Variants in ELOVL7 observed in about 807,000 individuals in gnomAD.
ELOVL7 encodes very long chain fatty acid elongase 7.
ELOVL7 carries 27 observed loss-of-function variants against 35.7 expected under a neutral mutation model. The ratio of observed to expected loss-of-function variants is 0.76; its 90% CI spans 0.56 to 1.04. ELOVL7 has a LOEUF of 1.04. Ranked by LOEUF, ELOVL7 falls within the 50% of genes least tolerant of loss-of-function variation. The probability of loss-of-function intolerance (pLI) is 0.00; values close to 1 mark genes in which losing one functional copy is unlikely to be tolerated. For missense variants in ELOVL7, 327 were observed against 340.8 expected, an observed-to-expected ratio of 0.96 and a Z score of 0.32; for synonymous variants, 113 against 114.6, an observed-to-expected ratio of 0.99 and a Z score of 0.09.
chr5:60,773,441 C>T (rs1742719768), intron 3 of ELOVL7, among the ~76,000 whole-genome samples: 1 of 152,146 alleles, frequency 6.6e-6, no homozygotes, highest in African/African-American at 2.4e-5. Context: ...TGACTGATAA[C>T]TCACTTGGCC....
intron 1 of ELOVL7, among the ~76,000 whole-genome samples, chr5:60,812,037 G>A (rs1561460892): frequency 6.6e-6 from 1 of 152,082 alleles, no homozygotes; most frequent in African/African-American, 2.4e-5. Context: ...ACAACACAGG[G>A]AGACCTCATC....
intron 1 of ELOVL7, among the ~76,000 whole-genome samples, chr5:60,840,736 T>C (rs1025629773): frequency 9.2e-5 from 14 of 152,306 alleles, no homozygotes; most frequent in African/African-American, 3.4e-4. Flanking sequence ...TTGAGAACCA[T>C]AAAAATGACC....
rs1741382157 is a variant in ELOVL7 at position 60,753,880 on chromosome 5, C to T, written c.*744G>A. On this transcript the variant is annotated 3_prime_UTR_variant, in exon 9 of 9. Transcript: ENST00000508821. ...TGTAAAACAGTAATAGCAAAGTATT[C>T]ATTAACCCATTAAAACAAATCACCT... The T allele has an allele frequency of 6.6e-6, 1 of 152,150 alleles. No individual in the cohort carries two copies. The highest frequency in any genetic ancestry group is 1.5e-5 in the Non-Finnish European group (1 of 68,032). The allele number at this position is 152,150 out of a possible 1,614,324, so 9.4% of individuals were successfully genotyped here. A position where few individuals can be genotyped will look rare whatever the true frequency, so the allele number is the denominator to read the frequency against.
chr5:60,768,474 G>T (rs974090817), intron 4 of ELOVL7, among the ~76,000 whole-genome samples: 7 of 152,192 alleles, frequency 4.6e-5, no homozygotes, highest in African/African-American at 7.2e-5. Flanking sequence ...TAGTTTTACT[G>T]TGGATTCACA....
chr5:60,827,105 G>A (rs1240312855), intron 1 of ELOVL7, among the ~76,000 whole-genome samples: 1 of 152,114 alleles, frequency 6.6e-6, no homozygotes, highest in African/African-American at 2.4e-5. Context: ...TATTTTAACT[G>A]AAGAAAACAT....
chr5:60,766,583 T>A lies in ELOVL7; in HGVS notation c.384A>T (p.Leu128=). The change falls in exon 6 of 9, where the codon CTA becomes CTT. Residue 128 remains leucine, a synonymous_variant. Transcript: ENST00000508821. ...WLYYFSKFIE[L]LDTIFFVLRK... is the part of the protein sequence containing the mutation. The stretch of plus-strand genomic sequence containing the variant: ...GTGGCCATATACTCACCGTATCTAA[T>A]AGCTCAATAAATTTGGAGAAGTAAT... 1 of 1,612,590 alleles carries A rather than the reference T, an allele frequency of 6.2e-7. No individual in the cohort carries two copies. The highest frequency in any genetic ancestry group is 8.5e-7 in the Non-Finnish European group (1 of 1,179,220).
At position 60,767,913 on chromosome 5, in the gene ELOVL7, A is replaced by G. The variant is rs112505252; in HGVS notation, c.256-10T>C. 3 of 1,608,856 alleles carry G rather than the reference A, an allele frequency of 1.9e-6. No individual in the cohort carries two copies. Among genetic ancestry groups the G allele is most frequent in the Non-Finnish European group, 2.6e-6 (3 of 1,175,490 alleles). On this transcript the variant is annotated splice_polypyrimidine_tract_variant and intron_variant, in intron 4 of 8. Coordinates refer to ENST00000508821, the MANE Select transcript of ELOVL7 (RefSeq NM_024930.3). ...AGCCAGACATCACAAACTGCAAGAG[A>G]GCACATGCATATTAAGAAAGGAAAG...
intron 1 of ELOVL7, among the ~76,000 whole-genome samples, chr5:60,824,960 C>CTT (rs879496279): frequency 7.2e-6 from 1 of 137,938 alleles, no homozygotes; most frequent in Non-Finnish European, 1.6e-5. Flanking sequence ...CTTCTCACTT[C>CTT]TTTTTTTTTT....
chr5:60,833,422 T>C (rs1746602699), intron 1 of ELOVL7, among the ~76,000 whole-genome samples: 1 of 152,190 alleles, frequency 6.6e-6, no homozygotes, highest in Non-Finnish European at 1.5e-5. Context: ...AGAGATGTCC[T>C]GTGGGACTGA....
rs188278706 is a variant in ELOVL7 at position 60,823,582 on chromosome 5, C to A, written c.-86+20578G>T. ...TTCACCAATAGATGCTTCAATTTTT[C>A]TAGCAAGTAGGAAGTGGGATCAATT... On this transcript the variant is annotated intron_variant, in intron 1 of 8. Transcript: ENST00000508821. Among the ~76,000 whole-genome samples, 95 of 152,246 alleles carry A rather than the reference C, an allele frequency of 6.2e-4. 2 individuals carry two copies. Among genetic ancestry groups the A allele is most frequent in the African/African-American group, 2.2e-3 (91 of 41,538 alleles).
intron 2 of ELOVL7, among the ~76,000 whole-genome samples, chr5:60,792,270 T>C (rs1395627938): frequency 1.3e-5 from 2 of 152,090 alleles, no homozygotes; most frequent in African/African-American, 4.8e-5. Flanking sequence ...GTCTTTACTA[T>C]TTGTGGGCCC....
chr5:60,765,268 G>A (rs1035729177), intron 6 of ELOVL7, among the ~76,000 whole-genome samples: 2 of 152,220 alleles, frequency 1.3e-5, no homozygotes, highest in African/African-American at 4.8e-5. Flanking sequence ...TAACACTCTG[G>A]GTCCTAGTCC....
At chr5:60,832,186 T>A (rs1191365815) in intron 1 of ELOVL7, among the ~76,000 whole-genome samples, 1 of 152,168 alleles carries the variant, frequency 6.6e-6, no homozygotes, top group African/African-American at 2.4e-5. Context: ...TCACTTAAAT[T>A]TCTTGGAGCC....
intron 1 of ELOVL7, among the ~76,000 whole-genome samples, chr5:60,821,951 A>G (rs1298758824): frequency 6.6e-6 from 1 of 152,246 alleles, no homozygotes; most frequent in Non-Finnish European, 1.5e-5. Context: ...AAAAAAACAA[A>G]TTAAAAACCC....
intron 7 of ELOVL7, among the ~76,000 whole-genome samples, chr5:60,761,096 T>C (rs559318916): frequency 3.3e-5 from 5 of 152,344 alleles, no homozygotes; most frequent in Admixed American, 3.3e-4. Context: ...TTTGGAAGGC[T>C]TTCCTAACAA....
intron 3 of ELOVL7, chr5:60,784,101 A>G (rs1561439601): frequency 6.9e-7 from 1 of 1,443,842 alleles, no homozygotes; most frequent in Non-Finnish European, 9.4e-7. Flanking sequence ...TACATAGAAT[A>G]TTAATGGGCT....
chr5:60,802,918 T>C (rs745439782), intron 1 of ELOVL7, among the ~76,000 whole-genome samples: 10 of 152,196 alleles, frequency 6.6e-5, no homozygotes, highest in Non-Finnish European at 1.3e-4. Context: ...TCCAAAGATA[T>C]GGCAGTTCTC....
chr5:60,778,567 T>C (rs1743049596), intron 3 of ELOVL7, among the ~76,000 whole-genome samples: 1 of 152,170 alleles, frequency 6.6e-6, no homozygotes, highest in Admixed American at 6.5e-5. Flanking sequence ...TCAGCTCTTG[T>C]GAGAAACAAT....
At chr5:60,821,576 C>T (rs1050035120) in intron 1 of ELOVL7, among the ~76,000 whole-genome samples, 1 of 152,198 alleles carries the variant, frequency 6.6e-6, no homozygotes, top group African/African-American at 2.4e-5. Context: ...GCTTTCTGTT[C>T]CCCTTACAGC....
Sources: allele counts gnomAD v4.1 joint callset (sites outside exome capture counted in the v4.1 genomes callset), GRCh38; gene constraint gnomAD v4.1.1; transcripts MANE v1.5; gene names NCBI Gene and HGNC (gene_info 2026-07-23, HGNC 2026-07-21).